Variants in C1orf185 observed in about 807,000 individuals in gnomAD.
The protein encoded by C1orf185 is uncharacterized protein C1orf185.
Under a neutral mutation model 16.1 loss-of-function variants are expected in C1orf185, and 13 were observed. The observed-to-expected ratio is 0.81, with a 90% confidence interval of 0.53 to 1.28. The LOEUF is 1.28. C1orf185 is among the 50% of genes most tolerant of loss of function. The pLI is 0.00. For synonymous variants in C1orf185, 80 were observed against 76.9 expected (o/e 1.04, Z -0.21); for missense variants, 220 against 225.2 (o/e 0.98, Z 0.15).
chr1:51,107,855 C>A, intron 1 of C1orf185, among the ~76,000 whole-genome samples: 1 of 152,234 alleles, frequency 6.6e-6, no homozygotes, highest in African/African-American at 2.4e-5. Flanking sequence ...ATTTTGTTTT[C>A]TTTAATTAAT....
intron 3 of C1orf185, among the ~76,000 whole-genome samples, chr1:51,143,389 C>A (rs1646379431): frequency 6.6e-6 from 1 of 152,150 alleles, no homozygotes; most frequent in Non-Finnish European, 1.5e-5. Flanking sequence ...TATTTTATTA[C>A]CACTACGGAT....
rs1646177350 is a variant in C1orf185 at position 51,118,808 on chromosome 1, T to C, written c.258+7T>C. Reference sequence around the variant, plus strand: ...TGGGAGATTCCAATTACAGGTAGGGTGTAATATTTTATAGTAATCTTTTCA... The same window carrying C: ...TGGGAGATTCCAATTACAGGTAGGGCGTAATATTTTATAGTAATCTTTTCA... On this transcript the variant is annotated splice_region_variant and intron_variant, in intron 3 of 4. Coordinates refer to ENST00000371759, the MANE Select transcript of C1orf185 (RefSeq NM_001136508.2). The C allele has an allele frequency of 1.4e-6, 2 of 1,411,492 alleles. No individual in the cohort carries two copies. The highest frequency in any genetic ancestry group is 1.5e-5 in the African/African-American group (1 of 68,428). The allele number at this position is 1,411,492 out of a possible 1,614,324, so 87.4% of individuals were successfully genotyped here. A position where few individuals can be genotyped will look rare whatever the true frequency, so the allele number is the denominator to read the frequency against.
chr1:51,142,740 C>T (rs954538209), intron 3 of C1orf185, among the ~76,000 whole-genome samples: 1 of 151,888 alleles, frequency 6.6e-6, no homozygotes, highest in Non-Finnish European at 1.5e-5. Flanking sequence ...TAGTGATATT[C>T]TCTTGTTCAC....
intron 3 of C1orf185, among the ~76,000 whole-genome samples, chr1:51,133,631 A>G (rs1646301928): frequency 6.6e-6 from 1 of 152,216 alleles, no homozygotes; most frequent in Non-Finnish European, 1.5e-5. Context: ...CCCACTGACA[A>G]TATTAGACAG....
rs544581586 is a variant in C1orf185 at position 51,139,737 on chromosome 1, A to G, written c.259-5987A>G. ...TCATTTTTTAAAACTTGTACGAACC[A>G]TTATCATCGTTTTTGTATTTTTCTC... On this transcript the variant is annotated intron_variant, in intron 3 of 4. Coordinates refer to ENST00000371759, the MANE Select transcript of C1orf185 (RefSeq NM_001136508.2). Among the ~76,000 whole-genome samples the G allele has an allele frequency of 3.3e-5, 5 of 152,272 alleles. No individual in the cohort carries two copies. In the East Asian group the frequency reaches 9.6e-4, roughly 29 times the overall value.
chr1:51,125,130 G>T (rs892178854), intron 3 of C1orf185, among the ~76,000 whole-genome samples: 2 of 152,194 alleles, frequency 1.3e-5, no homozygotes, highest in African/African-American at 4.8e-5. Flanking sequence ...TGGAAGCCTT[G>T]TGCCAGCATC....
intron 1 of C1orf185, among the ~76,000 whole-genome samples, chr1:51,111,697 T>A (rs185339710): frequency 1.3e-5 from 2 of 152,292 alleles, no homozygotes; most frequent in African/African-American, 4.8e-5. Flanking sequence ...TTTCTGTATT[T>A]TTAGTAGAGA....
chr1:51,141,088 T>G (rs571049113), intron 3 of C1orf185, among the ~76,000 whole-genome samples: 271 of 152,262 alleles, frequency 1.8e-3, no homozygotes, highest in African/African-American at 6.5e-3. Context: ...TAAGGAGAAG[T>G]GAAGAGAACA....
At chr1:51,122,001 A>G (rs1251060475) in intron 3 of C1orf185, among the ~76,000 whole-genome samples, 1 of 152,148 alleles carries the variant, frequency 6.6e-6, no homozygotes, top group Admixed American at 6.6e-5. Context: ...ATAGAATAAT[A>G]TATTATTAAA....
At chr1:51,139,641 ATAAT>A (rs1217996638) in intron 3 of C1orf185, among the ~76,000 whole-genome samples, 5 of 152,216 alleles carry the variant, frequency 3.3e-5, no homozygotes, top group African/African-American at 1.2e-4. Context: ...TGTGACAAGG[ATAAT>A]TATTTATATG....
intron 3 of C1orf185, among the ~76,000 whole-genome samples, chr1:51,127,464 T>G (rs950366549): frequency 1.3e-5 from 2 of 152,090 alleles, no homozygotes; most frequent in African/African-American, 4.8e-5. Flanking sequence ...ATTTTGTATT[T>G]TTAGTAGGAC....
intron 3 of C1orf185, among the ~76,000 whole-genome samples, chr1:51,140,730 C>T (rs1646358679): frequency 6.6e-6 from 1 of 152,112 alleles, no homozygotes; most frequent in Admixed American, 6.6e-5. Flanking sequence ...AGGGATTTTC[C>T]ACTTCATCTA....
At position 51,145,708 on chromosome 1, in the gene C1orf185, A is replaced by T; in HGVS notation, c.259-16A>T. 1 of 1,273,954 alleles carries T rather than the reference A, an allele frequency of 7.8e-7. No homozygotes were observed. Among genetic ancestry groups the T allele is most frequent in the Non-Finnish European group, 1.1e-6 (1 of 941,664 alleles). The allele number at this position is 1,273,954 out of a possible 1,614,324, so 78.9% of individuals were successfully genotyped here. ...TTATTCTGATTTTAAAACACAAATA[A>T]CTTTTTTTAATGTAGGAGGAGCAAA... On this transcript the variant is annotated splice_polypyrimidine_tract_variant and intron_variant, in intron 3 of 4. Transcript: ENST00000371759.
chr1:51,144,498 G>T (rs1646386430), intron 3 of C1orf185, among the ~76,000 whole-genome samples: 2 of 152,150 alleles, frequency 1.3e-5, no homozygotes, highest in African/African-American at 4.8e-5. Flanking sequence ...GATCACTTGA[G>T]CCCAGGAGTT....
intron 1 of C1orf185, among the ~76,000 whole-genome samples, chr1:51,106,212 T>A (rs57401684): frequency 0.18 from 27,284 of 151,640 alleles, 4,662 homozygotes; most frequent in African/African-American, 0.45. Flanking sequence ...TATGAAAATT[T>A]AAAAAAAATT....
At chr1:51,126,980 T>C (rs1177786946) in intron 3 of C1orf185, among the ~76,000 whole-genome samples, 2 of 151,598 alleles carry the variant, frequency 1.3e-5, no homozygotes, top group Admixed American at 1.3e-4. Context: ...TTGGGGTTTG[T>C]TTATTTTTTT....
At chr1:51,112,983 C>T (rs974046300) in intron 2 of C1orf185, among the ~76,000 whole-genome samples, 1 of 151,820 alleles carries the variant, frequency 6.6e-6, no homozygotes, top group African/African-American at 2.4e-5. Context: ...CGACACCCGC[C>T]TGTTTTTGTA....
chr1:51,148,608 C>T (rs1646415659), downstream of C1orf185, among the ~76,000 whole-genome samples: 1 of 151,916 alleles, frequency 6.6e-6, no homozygotes, highest in Non-Finnish European at 1.5e-5. Context: ...TAATTTTGCT[C>T]CTGCAAGATA....
At chr1:51,151,909 T>C (rs1646430950), downstream of C1orf185, among the ~76,000 whole-genome samples, 1 of 152,106 alleles carries the variant, frequency 6.6e-6, no homozygotes, top group Non-Finnish European at 1.5e-5. Flanking sequence ...CAGGCTGGTT[T>C]CAAACTCCTG....
Sources: gnomAD v4.1 joint callset for allele counts (sites outside exome capture counted in the v4.1 genomes callset) on GRCh38, gnomAD v4.1.1 for gene constraint, MANE v1.5 for transcripts, NCBI Gene and HGNC (gene_info 2026-07-23, HGNC 2026-07-21) for gene names.